The following SPATA17 variants were observed in gnomAD, a reference collection of about 807,000 sequenced individuals.
SPATA17 encodes spermatogenesis-associated protein 17.
A neutral mutation model predicts 62.2 loss-of-function variants in SPATA17; 53 were observed. That is an observed-to-expected ratio of 0.85 (90% CI 0.68 to 1.07). The LOEUF (loss-of-function observed/expected upper bound fraction) is 1.07, where lower values mean the gene tolerates loss of function less well. Ranked by LOEUF, SPATA17 falls within the 50% of genes least tolerant of loss-of-function variation. The pLI, the probability that SPATA17 is intolerant of heterozygous loss-of-function variation, is 0.00. For missense variants in SPATA17, 466 were observed against 425.5 expected (o/e 1.10, Z -0.84); for synonymous variants, 146 against 146.8 (o/e 0.99, Z 0.04).
intron 8 of SPATA17, chr1:217,785,059 C>T (rs566750539): frequency 6.6e-6 from 1 of 152,276 alleles, no homozygotes; most frequent in African/African-American, 2.4e-5. Flanking sequence ...TCTTCATTAA[C>T]TTCTGGTGGT....
At chr1:217,697,444 G>A (rs534878797) in intron 5 of SPATA17, among the ~76,000 whole-genome samples, 2 of 152,166 alleles carry the variant, frequency 1.3e-5, no homozygotes, top group East Asian at 1.9e-4. Flanking sequence ...TGCTGAAAGC[G>A]GAAGTCTCAT....
intron 6 of SPATA17, among the ~76,000 whole-genome samples, chr1:217,759,157 G>T (rs1357843840): frequency 6.6e-6 from 1 of 152,106 alleles, no homozygotes; most frequent in African/African-American, 2.4e-5. Flanking sequence ...GAAATATTCA[G>T]ATTACAAAAA....
intron 7 of SPATA17, among the ~76,000 whole-genome samples, chr1:217,775,190 T>C (rs906519993): frequency 6.6e-6 from 1 of 152,198 alleles, no homozygotes; most frequent in East Asian, 1.9e-4. Flanking sequence ...TTAGCGATGT[T>C]GAGAATCTTT....
At chr1:217,633,799 A>G (rs1669874993) in intron 1 of SPATA17, among the ~76,000 whole-genome samples, 1 of 152,208 alleles carries the variant, frequency 6.6e-6, no homozygotes, top group Non-Finnish European at 1.5e-5. Context: ...CTTCTTCCTA[A>G]TGGCTAGCAT....
intron 9 of SPATA17, among the ~76,000 whole-genome samples, chr1:217,819,569 C>G (rs1674810133): frequency 6.6e-6 from 1 of 151,926 alleles, no homozygotes; most frequent in East Asian, 1.9e-4. Context: ...GTTATTTTAT[C>G]AGTGTTCTCT....
chr1:217,734,374 G>A (rs12410847), intron 5 of SPATA17, among the ~76,000 whole-genome samples: 20 of 152,024 alleles, frequency 1.3e-4, no homozygotes, highest in Admixed American at 5.9e-4. Flanking sequence ...ATTTTAATTT[G>A]TTTAATTTTT....
chr1:217,792,232 C>T (rs1674010274), intron 8 of SPATA17, among the ~76,000 whole-genome samples: 1 of 152,096 alleles, frequency 6.6e-6, no homozygotes, highest in Non-Finnish European at 1.5e-5. Context: ...TGGTCAGAGG[C>T]ACAGATGCAT....
intron 1 of SPATA17, among the ~76,000 whole-genome samples, chr1:217,644,376 AC>A (rs978562527): frequency 1.2e-4 from 19 of 152,334 alleles, no homozygotes; most frequent in African/African-American, 4.6e-4. Context: ...AATCCTTAAG[AC>A]GTAGTAGTGA....
chr1:217,854,242 G>T (rs145727819), intron 9 of SPATA17, among the ~76,000 whole-genome samples: 161 of 152,224 alleles, frequency 1.1e-3, no homozygotes, highest in African/African-American at 3.7e-3. Context: ...TTTCAATCTT[G>T]TCTACCTATT....
intron 5 of SPATA17, among the ~76,000 whole-genome samples, chr1:217,714,571 G>A (rs1226681476): frequency 2.8e-5 from 4 of 145,282 alleles, no homozygotes; most frequent in Non-Finnish European, 3.0e-5. Flanking sequence ...TGCAAGCTCC[G>A]CCTCCCAGGT....
intron 3 of SPATA17, among the ~76,000 whole-genome samples, chr1:217,657,566 G>A (rs1374027155): frequency 6.6e-6 from 1 of 152,112 alleles, no homozygotes; most frequent in Non-Finnish European, 1.5e-5. Flanking sequence ...CCTAAATTAA[G>A]TTTGCTTAAA....
rs545563244 is a variant in SPATA17 at position 217,834,424 on chromosome 1, A to T, written c.1006-28350A>T. Among the ~76,000 whole-genome samples, 24 of 152,208 alleles carry T rather than the reference A, an allele frequency of 1.6e-4. No individual in the cohort carries two copies. The East Asian group carries it at 4.1e-3, about 26-fold the overall frequency. On this transcript the variant is annotated intron_variant, in intron 9 of 10. Coordinates refer to ENST00000366933, the MANE Select transcript of SPATA17 (RefSeq NM_138796.4). ...AGGAGATGACAGCTCCATGTGTGTT[A>T]TTGCCCCAAGATACCTTCTAGTGGG...
intron 5 of SPATA17, among the ~76,000 whole-genome samples, chr1:217,720,019 C>T (rs958065888): frequency 6.6e-6 from 1 of 152,150 alleles, no homozygotes. Context: ...CTGTTAGGCA[C>T]TACTGGTTCT....
rs995061608 is a variant in SPATA17, at chr1:217,851,917, A to G, written c.1006-10857A>G. 5.3e-5 allele frequency among the ~76,000 whole-genome samples: 8 copies of G among 152,292 alleles called. No individual in the cohort carries two copies. In the East Asian group the frequency reaches 9.7e-4, roughly 18 times the overall value. On this transcript the variant is annotated intron_variant, in intron 9 of 10. Coordinates refer to ENST00000366933, the MANE Select transcript of SPATA17 (RefSeq NM_138796.4). Reference sequence around the variant, plus strand: ...TTCATTTGTTAGCTATGCCTTTTAAATTAGCCAGCTGACTGTTTCAGGAGT... The same window carrying G: ...TTCATTTGTTAGCTATGCCTTTTAAGTTAGCCAGCTGACTGTTTCAGGAGT...
intron 6 of SPATA17, among the ~76,000 whole-genome samples, chr1:217,748,516 G>A (rs571522908): frequency 6.6e-5 from 10 of 152,018 alleles, no homozygotes; most frequent in Non-Finnish European, 1.2e-4. Context: ...GCCAAGGAGG[G>A]CAGATCACTT....
intron 1 of SPATA17, among the ~76,000 whole-genome samples, chr1:217,632,191 A>G (rs1164463686): frequency 6.6e-6 from 1 of 151,888 alleles, no homozygotes; most frequent in Non-Finnish European, 1.5e-5. Flanking sequence ...TCAATAAATA[A>G]ATAAATAAAT....
At chr1:217,830,328 C>T (rs1176189143) in intron 9 of SPATA17, among the ~76,000 whole-genome samples, 1 of 152,004 alleles carries the variant, frequency 6.6e-6, no homozygotes. Flanking sequence ...ATAAAAATGA[C>T]AGTCAAATTC....
chr1:217,748,234 C>T lies in SPATA17; in HGVS notation c.519+6136C>T, dbSNP rs183998512. ...AGGAGAATGGTGTGAACCTGGGAGG[C>T]GGAGCTTGCAGTGAGCCGAGATCGC... On this transcript the variant is annotated intron_variant, in intron 6 of 10. Transcript: ENST00000366933. 6.2e-5 allele frequency among the ~76,000 whole-genome samples: 9 copies of T among 145,212 alleles called. No individual in the cohort carries two copies. The East Asian group carries it at 1.4e-3, about 23-fold the overall frequency.
intron 6 of SPATA17, among the ~76,000 whole-genome samples, chr1:217,749,770 C>T (rs1672855146): frequency 6.6e-6 from 1 of 151,258 alleles, no homozygotes; most frequent in East Asian, 1.9e-4. Context: ...GTTTGTAAGC[C>T]TCCAAAGATT....
Sources: gnomAD v4.1 joint callset for allele counts (sites outside exome capture counted in the v4.1 genomes callset) on GRCh38, gnomAD v4.1.1 for gene constraint, MANE v1.5 for transcripts, NCBI Gene and HGNC (gene_info 2026-07-23, HGNC 2026-07-21) for gene names.